The following GATA3 variants were observed in gnomAD, a reference collection of about 807,000 sequenced individuals.
The protein encoded by GATA3 is trans-acting T-cell-specific transcription factor GATA-3.
In GATA3, 6 loss-of-function variants were observed where a neutral mutation model predicts 36.0. That is an observed-to-expected ratio of 0.17 (90% CI 0.09 to 0.33). The LOEUF (loss-of-function observed/expected upper bound fraction) is 0.33, where lower values mean the gene tolerates loss of function less well. GATA3 is among the 10% of genes least tolerant of loss of function. The probability of loss-of-function intolerance (pLI) is 1.00; values close to 1 mark genes in which losing one functional copy is unlikely to be tolerated. For missense variants in GATA3, 514 were observed against 610.1 expected (o/e 0.84, Z 1.66); for synonymous variants, 326 against 273.0 (o/e 1.19, Z -1.92).
chr10:8,072,289 AG>A (rs1832942785), intron 5 of GATA3, among the ~76,000 whole-genome samples: 1 of 152,184 alleles, frequency 6.6e-6, no homozygotes, highest in Non-Finnish European at 1.5e-5. Context: ...GGGAACAGAC[AG>A]GTAAAACCCA....
Position 8,058,495 on chromosome 10 carries a change from C to T in GATA3, c.432C>T (p.Gly144=), listed in dbSNP as rs755377699. The T allele has an allele frequency of 7.4e-6, 12 of 1,612,158 alleles. No homozygotes were observed. The highest frequency in any genetic ancestry group is 9.3e-6 in the Non-Finnish European group (11 of 1,179,704). The change falls in exon 3 of 6, where the codon GGC becomes GGT. Residue 144 remains glycine (G), a synonymous_variant. Coordinates refer to ENST00000379328, the MANE Select transcript of GATA3 (RefSeq NM_001002295.2). ...PPASSSSLSG[G]HASPHLFTFP... is the part of the protein sequence containing the mutation. Reference sequence around the variant, plus strand: ...CCTCGTCCTCCTCCTTGTCGGGGGGCCACGCCAGCCCGCACCTCTTCACCT... The same window carrying T: ...CCTCGTCCTCCTCCTTGTCGGGGGGTCACGCCAGCCCGCACCTCTTCACCT...
chr10:8,074,096 G>C lies in GATA3; in HGVS notation c.*73G>C. 1 of 1,542,800 alleles carries C rather than the reference G, an allele frequency of 6.5e-7. No individual in the cohort carries two copies. Among genetic ancestry groups the C allele is most frequent in the Non-Finnish European group, 8.8e-7 (1 of 1,130,208 alleles). ...CCTTTCGACTTGCATTTTTGCAGGA[G>C]CAGTATCATGAAGCCTAAACGCGAT... is the stretch of plus-strand genomic sequence containing the variant. On this transcript the variant is annotated 3_prime_UTR_variant, in exon 6 of 6. Coordinates refer to ENST00000379328, the MANE Select transcript of GATA3 (RefSeq NM_001002295.2).
At chr10:8,059,116 C>A (rs1832705956) in intron 3 of GATA3, among the ~76,000 whole-genome samples, 1 of 152,228 alleles carries the variant, frequency 6.6e-6, no homozygotes, top group Non-Finnish European at 1.5e-5. Flanking sequence ...GTCATGCCCT[C>A]TTCTGCCTGT....
rs757047213 is a variant in GATA3, at chr10:8,073,930, C to T, written c.1242C>T (p.Ser414=). Residue 414 remains serine (S), a synonymous_variant, in exon 6 of 6, where the codon AGC becomes AGT. Coordinates refer to ENST00000379328, the MANE Select transcript of GATA3 (RefSeq NM_001002295.2). ...LSHISPFSHS[S]HMLTTPTPMH... ...ACATCTCGCCCTTCAGCCACTCCAG[C>T]CACATGCTGACCACGCCCACGCCGA... 6.2e-7 allele frequency: 1 copy of T among 1,614,138 alleles called. No individual in the cohort carries two copies. The highest frequency in any genetic ancestry group is 1.7e-5 in the Admixed American group (1 of 60,016).
intron 3 of GATA3, among the ~76,000 whole-genome samples, chr10:8,062,585 A>AT (rs1434165397): frequency 6.6e-6 from 1 of 152,010 alleles, no homozygotes; most frequent in Non-Finnish European, 1.5e-5. Flanking sequence ...GCCAAGGCAG[A>AT]TTTTTCCTCC....
At chr10:8,066,217 A>C (rs113330367) in intron 4 of GATA3, among the ~76,000 whole-genome samples, 1 of 152,104 alleles carries the variant, frequency 6.6e-6, no homozygotes, top group Non-Finnish European at 1.5e-5. Context: ...GAGGATCGTA[A>C]TTCCATTTTA....
chr10:8,066,430 T>TTTTCTTTC (rs10688455), intron 4 of GATA3, among the ~76,000 whole-genome samples: 56 of 148,514 alleles, frequency 3.8e-4, no homozygotes, highest in African/African-American at 8.4e-4. Context: ...TCAGATTTCT[T>TTTTCTTTC]TTTCTTTCTT....
chr10:8,062,886 A>G (rs999099329), intron 3 of GATA3, among the ~76,000 whole-genome samples: 1 of 152,126 alleles, frequency 6.6e-6, no homozygotes, highest in Non-Finnish European at 1.5e-5. Context: ...AAAACCAAGG[A>G]GATTCTCCTA....
chr10:8,065,842 A>G (rs139006838), intron 4 of GATA3, among the ~76,000 whole-genome samples: 254 of 141,940 alleles, frequency 1.8e-3, no homozygotes, highest in African/African-American at 6.3e-3. Flanking sequence ...AGATGTTTGA[A>G]CGTATCAGAA....
In GATA3 at chr10:8,062,636, T is replaced by A. The variant is rs1375050202; in HGVS notation, c.779-1357T>A. Among the ~76,000 whole-genome samples the A allele has an allele frequency of 2.0e-5, 3 of 152,176 alleles. No homozygotes were observed. In the East Asian group the frequency reaches 5.8e-4, roughly 29 times the overall value. On this transcript the variant is annotated intron_variant, in intron 3 of 5. Transcript: ENST00000379328. The stretch of plus-strand genomic sequence containing the variant: ...AATTCTCAAGCACCCTACTGGGTTC[T>A]CTTCTTCTACCCCAGTGGTCCGGGC...
At chr10:8,060,077 G>T (rs544448915) in intron 3 of GATA3, among the ~76,000 whole-genome samples, 1 of 152,364 alleles carries the variant, frequency 6.6e-6, no homozygotes, top group South Asian at 2.1e-4. Flanking sequence ...TGGGAGCCCA[G>T]TGACCATGAG....
chr10:8,051,065 G>T (rs765646207), upstream of GATA3: 3 of 519,970 alleles, frequency 5.8e-6, no homozygotes, highest in Non-Finnish European at 1.2e-5. Context: ...AGAAAGCCGC[G>T]CCTCCGCTCT....
chr10:8,073,141 T>C (rs1832957244), intron 5 of GATA3, among the ~76,000 whole-genome samples: 2 of 67,740 alleles, frequency 3.0e-5, no homozygotes, highest in African/African-American at 1.2e-4. Context: ...GGAGACTTCG[T>C]CTCAAAAAAA....
Position 8,055,561 on chromosome 10 carries a change from G to T in GATA3, c.-95G>T, listed in dbSNP as rs369825935. The T allele has an allele frequency of 1.3e-3, 1,758 of 1,369,584 alleles. 13 individuals are homozygous for T. Among genetic ancestry groups the T allele is most frequent in the South Asian group, 0.012 (812 of 65,948 alleles). The allele number at this position is 1,369,584 out of a possible 1,614,324, so 84.8% of individuals were successfully genotyped here. ...ATCATTCAACGACCCCCGACCCTCC[G>T]ACGGCAGGAGCCCCCCGACCTCCCA... On this transcript the variant is annotated 5_prime_UTR_variant, in exon 2 of 6. Coordinates refer to ENST00000379328, the MANE Select transcript of GATA3 (RefSeq NM_001002295.2). This position sits in a 1 kb window ranked among gnomAD's most constrained non-coding sequence, Gnocchi z 5.4.
intron 5 of GATA3, among the ~76,000 whole-genome samples, chr10:8,073,452 T>C (rs1832962926): frequency 6.6e-6 from 1 of 152,154 alleles, no homozygotes; most frequent in Non-Finnish European, 1.5e-5. Context: ...TCTTATGAAA[T>C]AGTCTAAGGA....
At chr10:8,059,095 A>G (rs1292039273) in intron 3 of GATA3, among the ~76,000 whole-genome samples, 1 of 152,188 alleles carries the variant, frequency 6.6e-6, no homozygotes, top group Non-Finnish European at 1.5e-5. Flanking sequence ...AAAAAGACAA[A>G]CAAAAACAAA....
At chr10:8,070,735 C>G (rs573097060) in intron 5 of GATA3, among the ~76,000 whole-genome samples, 9 of 152,296 alleles carry the variant, frequency 5.9e-5, no homozygotes, top group Admixed American at 2.6e-4. Context: ...TTCTTTTTCA[C>G]TTCTTGGGAG....
intron 3 of GATA3, among the ~76,000 whole-genome samples, chr10:8,062,726 A>G (rs558643952): frequency 6.6e-6 from 1 of 151,968 alleles, no homozygotes; most frequent in South Asian, 2.1e-4. Context: ...TTTCTTCCCT[A>G]CCTACCCTCC....
chr10:8,046,144 G>C (rs772878936), intron 1 of GATA3, among the ~76,000 whole-genome samples: 2 of 152,210 alleles, frequency 1.3e-5, no homozygotes, highest in Admixed American at 6.5e-5. Flanking sequence ...ATCCGAAGCG[G>C]AAGGGGCAGA....
Sources: gnomAD v4.1 joint callset for allele counts (sites outside exome capture counted in the v4.1 genomes callset) on GRCh38, gnomAD v4.1.1 for gene constraint, Gnocchi (gnomAD v3.1) non-coding constraint, MANE v1.5 for transcripts, NCBI Gene and HGNC (gene_info 2026-07-23, HGNC 2026-07-21) for gene names.